KCNH7: variants seen among roughly 807,000 people sequenced by gnomAD.
KCNH7 encodes voltage-gated inwardly rectifying potassium channel KCNH7.
In KCNH7, 49 loss-of-function variants were observed where a neutral mutation model predicts 120.8. The observed-to-expected ratio is 0.41, with a 90% CI of 0.32 to 0.51. KCNH7 has a LOEUF of 0.51. Among genes scored for constraint, KCNH7 ranks in the 20% least tolerant of loss-of-function variants. The pLI, the probability that KCNH7 is intolerant of heterozygous loss-of-function variation, is 0.38. For missense variants in KCNH7, 1,097 were observed against 1,446.6 expected, an observed-to-expected ratio of 0.76 and a Z score of 3.92; for synonymous variants, 547 against 516.1, an observed-to-expected ratio of 1.06 and a Z score of -0.81.
rs1574181214 is a variant in KCNH7, at chr2:162,621,283, A to G, written c.308-84203T>C. ...TTTTTTTTTTTTTTTTTTTTAAGAGAGAGAATATGTAAGAGTGACCTATGG... is the reference window on the plus strand; with the variant it reads ...TTTTTTTTTTTTTTTTTTTTAAGAGGGAGAATATGTAAGAGTGACCTATGG... On this transcript the variant is annotated intron_variant, in intron 2 of 15. Coordinates refer to ENST00000332142, the MANE Select transcript of KCNH7 (RefSeq NM_033272.4). Among the ~76,000 whole-genome samples, 4 of 27,522 alleles carry G rather than the reference A, an allele frequency of 1.5e-4. 1 individual carries two copies. In the Admixed American group the frequency reaches 1.9e-3, roughly 13 times the overall value. The allele number at this position is 27,522 out of a possible 152,430, so 18.1% of individuals were successfully genotyped here.
At chr2:162,818,610 T>C (rs1223053803) in intron 2 of KCNH7, among the ~76,000 whole-genome samples, 2 of 152,316 alleles carry the variant, frequency 1.3e-5, no homozygotes, top group African/African-American at 4.8e-5. Context: ...TAGTCTGCTA[T>C]AATTTTGGTA....
chr2:162,494,590 T>C (rs1412765634), intron 6 of KCNH7, among the ~76,000 whole-genome samples: 1 of 152,144 alleles, frequency 6.6e-6, no homozygotes, highest in African/African-American at 2.4e-5. Context: ...ATAATAAAGG[T>C]TATTATGTTA....
At chr2:162,467,266 A>G (rs1456036211) in intron 6 of KCNH7, among the ~76,000 whole-genome samples, 2 of 152,162 alleles carry the variant, frequency 1.3e-5, no homozygotes, top group Non-Finnish European at 2.9e-5. Context: ...TCTCAAGGTA[A>G]TTCACCATGC....
intron 15 of KCNH7, 59 bp from the exon 16 acceptor site, chr2:162,372,154 A>G: frequency 7.6e-7 from 1 of 1,321,858 alleles, no homozygotes; most frequent in Non-Finnish European, 1.1e-6. Flanking sequence ...AGTCATTGAA[A>G]ATTACACTAA....
chr2:162,525,374 C>A (rs1171820221), intron 3 of KCNH7, among the ~76,000 whole-genome samples: 1 of 151,870 alleles, frequency 6.6e-6, no homozygotes, highest in Non-Finnish European at 1.5e-5. Flanking sequence ...AGGGACACTG[C>A]TTGTGATCTG....
chr2:162,726,172 TTTTC>T (rs750946783), intron 2 of KCNH7, among the ~76,000 whole-genome samples: 2 of 152,148 alleles, frequency 1.3e-5, no homozygotes, highest in Non-Finnish European at 2.9e-5. Flanking sequence ...CTACCTCTAT[TTTTC>T]TTTCTTTTTA....
At chr2:162,810,949 A>C (rs1027467359) in intron 2 of KCNH7, among the ~76,000 whole-genome samples, 4 of 152,190 alleles carry the variant, frequency 2.6e-5, no homozygotes, top group Non-Finnish European at 5.9e-5. Context: ...CAAAAATGAG[A>C]AGTTAGCACA....
chr2:162,442,596 C>T (rs181278429), intron 7 of KCNH7, among the ~76,000 whole-genome samples: 1 of 152,122 alleles, frequency 6.6e-6, no homozygotes, highest in African/African-American at 2.4e-5. Flanking sequence ...CACTGGCTCA[C>T]GCCTGTAATT....
chr2:162,477,452 T>G (rs548570101), intron 6 of KCNH7, among the ~76,000 whole-genome samples: 1 of 152,188 alleles, frequency 6.6e-6, no homozygotes, highest in African/African-American at 2.4e-5. Context: ...AGAAAAAAAG[T>G]CAACAGGGTC....
intron 2 of KCNH7, among the ~76,000 whole-genome samples, chr2:162,586,200 C>T (rs1694014464): frequency 6.6e-6 from 1 of 152,060 alleles, no homozygotes; most frequent in Non-Finnish European, 1.5e-5. Flanking sequence ...TCTAATCCCA[C>T]TCTCCTTGAA....
At chr2:162,720,300 A>T (rs1471976149) in intron 2 of KCNH7, among the ~76,000 whole-genome samples, 1 of 65,350 alleles carries the variant, frequency 1.5e-5, no homozygotes, top group Non-Finnish European at 2.3e-5. Context: ...ATGTGTGATT[A>T]AAAAAAAAAA....
At chr2:162,562,598 G>T (rs1052430924) in intron 2 of KCNH7, among the ~76,000 whole-genome samples, 7 of 152,178 alleles carry the variant, frequency 4.6e-5, no homozygotes, top group Non-Finnish European at 8.8e-5. Flanking sequence ...ACTGAGCATG[G>T]GAGGTGAACT....
At chr2:162,477,474 C>A (rs1254031744) in intron 6 of KCNH7, among the ~76,000 whole-genome samples, 2 of 152,084 alleles carry the variant, frequency 1.3e-5, no homozygotes, top group Non-Finnish European at 2.9e-5. Flanking sequence ...TTCCTGCAGG[C>A]TTCAGAGATA....
At chr2:162,373,724 T>TA in intron 14 of KCNH7, 62 bp from the exon 15 acceptor site, 1 of 1,239,078 alleles carries the variant, frequency 8.1e-7, no homozygotes, top group Non-Finnish European at 1.1e-6. Context: ...CAGGAGCATT[T>TA]AAAAAAATTT....
At chr2:162,552,462 G>A (rs1366574298) in intron 2 of KCNH7, among the ~76,000 whole-genome samples, 3 of 152,192 alleles carry the variant, frequency 2.0e-5, no homozygotes, top group Non-Finnish European at 4.4e-5. Flanking sequence ...ATCACTAACA[G>A]TATTTGCCAG....
At chr2:162,473,071 TGGGGTAGGGGGAGAGGGGA>T (rs910248189) in intron 6 of KCNH7, among the ~76,000 whole-genome samples, 1 of 149,628 alleles carries the variant, frequency 6.7e-6, no homozygotes. Flanking sequence ...GGGCCTGTTG[TGGGGTAGGGGGAGAGGGGA>T]GGGATAGCAT....
chr2:162,421,159 T>A (rs753692292), intron 9 of KCNH7, among the ~76,000 whole-genome samples: 1 of 151,950 alleles, frequency 6.6e-6, no homozygotes, highest in Non-Finnish European at 1.5e-5. Flanking sequence ...CAAAACCACA[T>A]GCAAGACTCA....
intron 2 of KCNH7, among the ~76,000 whole-genome samples, chr2:162,721,874 G>A (rs916270536): frequency 2.6e-5 from 4 of 151,904 alleles, no homozygotes; most frequent in Admixed American, 1.3e-4. Flanking sequence ...GAAAAATGAT[G>A]GCGGAATAAC....
At chr2:162,506,331 G>A (rs1307513675) in intron 5 of KCNH7, among the ~76,000 whole-genome samples, 1 of 151,798 alleles carries the variant, frequency 6.6e-6, no homozygotes, top group Non-Finnish European at 1.5e-5. Context: ...GAAGTCTCCA[G>A]CCCACATCAC....
Sources: allele counts gnomAD v4.1 joint callset (sites outside exome capture counted in the v4.1 genomes callset), GRCh38; gene constraint gnomAD v4.1.1; transcripts MANE v1.5; gene names NCBI Gene and HGNC (gene_info 2026-07-23, HGNC 2026-07-21).